Variants in FAM118A observed in about 807,000 individuals in gnomAD.
FAM118A encodes the protein protein FAM118A.
In FAM118A, 25 loss-of-function variants were observed where a neutral mutation model predicts 38.2. The observed-to-expected ratio is 0.65, with a 90% CI of 0.48 to 0.91. The LOEUF is 0.91. Among genes scored for constraint, FAM118A ranks in the 40% least tolerant of loss-of-function variants. FAM118A has a pLI of 0.00. For missense variants in FAM118A, 425 were observed against 463.3 expected (o/e 0.92, Z 0.76); for synonymous variants, 178 against 184.1 (o/e 0.97, Z 0.27).
intron 8 of FAM118A, chr22:45,338,005 C>G (rs2086225818): frequency 1.9e-6 from 1 of 524,256 alleles, no homozygotes; most frequent in Non-Finnish European, 2.4e-6. Flanking sequence ...TTTTTAGGAT[C>G]CTCTTTTCCC....
intron 5 of FAM118A, among the ~76,000 whole-genome samples, chr22:45,331,487 G>C (rs1364447645): frequency 3.3e-5 from 5 of 152,150 alleles, no homozygotes; most frequent in African/African-American, 1.2e-4. Flanking sequence ...GGATCCTCCT[G>C]CCTTAGTCTC....
chr22:45,313,553 C>A (rs2084472830), intron 1 of FAM118A, among the ~76,000 whole-genome samples: 1 of 152,020 alleles, frequency 6.6e-6, no homozygotes, highest in South Asian at 2.1e-4. Flanking sequence ...AAACTCCCAA[C>A]CTCAGGTGAT....
chr22:45,337,826 G>A, intron 8 of FAM118A: 1 of 985,372 alleles, frequency 1.0e-6, no homozygotes, highest in Non-Finnish European at 1.2e-6. Flanking sequence ...AGGGCCATGT[G>A]TCTGCAGGTG....
At chr22:45,312,107 TC>T (rs538949752) in intron 1 of FAM118A, among the ~76,000 whole-genome samples, 3 of 152,104 alleles carry the variant, frequency 2.0e-5, no homozygotes, top group Non-Finnish European at 4.4e-5. Flanking sequence ...ATTATCTCAC[TC>T]AACGACAATC....
chr22:45,340,062 C>G (rs1412834882), intron 8 of FAM118A, among the ~76,000 whole-genome samples: 1 of 152,218 alleles, frequency 6.6e-6, no homozygotes, highest in East Asian at 1.9e-4. Context: ...TTCTCCATAC[C>G]TCCAACAGGC....
intron 3 of FAM118A, 51 bp downstream of exon 3, chr22:45,323,478 T>A: frequency 6.3e-7 from 1 of 1,589,372 alleles, no homozygotes; most frequent in Non-Finnish European, 8.6e-7. Flanking sequence ...TGCAGCAGGT[T>A]GGATGAGTCT....
In FAM118A at chr22:45,330,739, C is replaced by A; in HGVS notation, c.651+8C>A. 1.3e-6 allele frequency: 2 copies of A among 1,550,106 alleles called. No individual in the cohort carries two copies. The highest frequency in any genetic ancestry group is 1.2e-5 in the South Asian group (1 of 81,574). Reference sequence around the variant, plus strand: ...CAAGACGCAGAAGTCATGGTACGGCCCGTCCTAATTAGCATCGGTGCGTCC... The same window carrying A: ...CAAGACGCAGAAGTCATGGTACGGCACGTCCTAATTAGCATCGGTGCGTCC... On this transcript the variant is annotated splice_region_variant and intron_variant, in intron 5 of 8. Coordinates refer to ENST00000441876, the MANE Select transcript of FAM118A (RefSeq NM_017911.4).
intron 8 of FAM118A, among the ~76,000 whole-genome samples, chr22:45,339,405 GATAAA>G (rs762761843): frequency 2.0e-5 from 3 of 152,074 alleles, no homozygotes; most frequent in African/African-American, 4.8e-5. Flanking sequence ...TTTCAAAAAA[GATAAA>G]ATAATAATAA....
intron 4 of FAM118A, 168 bp from the exon 5 acceptor site, chr22:45,330,435 C>A: frequency 2.9e-6 from 2 of 686,046 alleles, no homozygotes; most frequent in Non-Finnish European, 4.3e-6. Context: ...CTAGGGCTCA[C>A]AACCAAGTTT....
chr22:45,324,693 C>T (rs768814745), intron 3 of FAM118A, among the ~76,000 whole-genome samples: 6 of 152,222 alleles, frequency 3.9e-5, no homozygotes, highest in Non-Finnish European at 8.8e-5. Flanking sequence ...TGCTTTCATG[C>T]CTCCAGGCCC....
chr22:45,334,123 A>G (rs1051649914), intron 6 of FAM118A, among the ~76,000 whole-genome samples: 4 of 152,208 alleles, frequency 2.6e-5, no homozygotes, highest in Admixed American at 1.3e-4. Context: ...CACCTCTTTT[A>G]AGTAGTGCTC....
chr22:45,337,667 G>C (rs983785205), intron 8 of FAM118A, among the ~76,000 whole-genome samples: 5 of 151,936 alleles, frequency 3.3e-5, no homozygotes, highest in African/African-American at 1.2e-4. Context: ...ACCTTCTCCT[G>C]GTCGGCTCCG....
At chr22:45,328,630 C>T (rs1243350071) in intron 4 of FAM118A, 1 of 533,478 alleles carries the variant, frequency 1.9e-6, no homozygotes, top group South Asian at 2.2e-5. Flanking sequence ...GACCCTTTCT[C>T]TTAAAAAAAA....
At chr22:45,335,199 C>T in intron 6 of FAM118A, 151 bp from the exon 7 acceptor site, 11 of 732,166 alleles carry the variant, frequency 1.5e-5, no homozygotes, top group Middle Eastern at 3.6e-4. Flanking sequence ...GTGAGGGCAG[C>T]GAGCAGCGCA....
chr22:45,328,047 T>G lies in FAM118A; in HGVS notation c.506T>G (p.Leu169Trp). The change falls in exon 4 of 9, where the codon TTG becomes TGG. Residue 169 changes from leucine to tryptophan, a missense_variant. Transcript: ENST00000441876. ...AACAAGCCCATGGAGTCCCTGGACT[T>G]GAAGGACAAGACCAAGGTATGGGCT... The part of the protein sequence containing the change: ...RQNKPMESLD[L>W]KDKTKVLEWA... 1 of 1,531,096 alleles carries G rather than the reference T, an allele frequency of 6.5e-7. No individual in the cohort carries two copies. Among genetic ancestry groups the G allele is most frequent in the African/African-American group, 1.5e-5 (1 of 64,602 alleles). 94.8% of individuals were successfully genotyped at this position (1,531,096 alleles called of 1,614,324 possible). A position where few individuals can be genotyped will look rare whatever the true frequency, so the allele number is the denominator to read the frequency against.
chr22:45,340,644 T>C lies in FAM118A; in HGVS notation c.*239T>C. On this transcript the variant is annotated 3_prime_UTR_variant, in exon 9 of 9. Coordinates refer to ENST00000441876, the MANE Select transcript of FAM118A (RefSeq NM_017911.4). ...GGTGGACTTTGCAAGGACTGATGGA[T>C]AGCTACCTCAGGGACCAGAATCCGT... 1 of 555,952 alleles carries C rather than the reference T, an allele frequency of 1.8e-6. No individual in the cohort carries two copies. The highest frequency in any genetic ancestry group is 2.9e-5 in the East Asian group (1 of 34,898). 34.4% of individuals were successfully genotyped at this position (555,952 alleles called of 1,614,324 possible).
chr22:45,312,202 A>G (rs919533850), intron 1 of FAM118A, among the ~76,000 whole-genome samples: 13 of 152,214 alleles, frequency 8.5e-5, no homozygotes, highest in African/African-American at 2.9e-4. Flanking sequence ...AGAGACACCA[A>G]CTGGGTATCT....
Position 45,323,041 on chromosome 22 carries a change from C to CTCTGTGTGTGTGTGTGTGTG in FAM118A, c.48-133_48-132insCTGTGTGTGTGTGTGTGTGT, listed in dbSNP as rs34063912. ...CGTCTCCCCACAGCGTCAGAGGGGA[C>CTCTGTGTGTGTGTGTGTGTG]TGTGTGTGTGTGTGTGTGTGTGTGT... On this transcript the variant is annotated intron_variant, in intron 2 of 8. Transcript: ENST00000441876. 6.1e-6 allele frequency: 4 copies of CTCTGTGTGTGTGTGTGTGTG among 659,686 alleles called. No homozygotes were observed. The African/African-American group carries it at 7.6e-5, about 12-fold the overall frequency. 40.9% of individuals were successfully genotyped at this position (659,686 alleles called of 1,614,324 possible). A position where few individuals can be genotyped will look rare whatever the true frequency, so the allele number is the denominator to read the frequency against.
intron 1 of FAM118A, among the ~76,000 whole-genome samples, chr22:45,317,871 T>C (rs1258978898): frequency 3.9e-5 from 6 of 152,240 alleles, no homozygotes; most frequent in African/African-American, 1.4e-4. Context: ...GTCGGACTTG[T>C]ACTTGCTTCC....
Sources: gnomAD v4.1 joint callset for allele counts (sites outside exome capture counted in the v4.1 genomes callset) on GRCh38, gnomAD v4.1.1 for gene constraint, MANE v1.5 for transcripts, NCBI Gene and HGNC (gene_info 2026-07-23, HGNC 2026-07-21) for gene names.